The following TANC2 variants were observed in gnomAD, a reference collection of about 807,000 sequenced individuals.
TANC2 encodes protein TANC2.
Under a neutral mutation model 210.5 loss-of-function variants are expected in TANC2, and 26 were observed. The observed-to-expected ratio is 0.12, with a 90% CI of 0.09 to 0.17. The LOEUF is 0.17. TANC2 is among the 10% of genes least tolerant of loss of function. The pLI, the probability that TANC2 is intolerant of heterozygous loss-of-function variation, is 1.00. For synonymous variants in TANC2, 931 were observed against 967.1 expected, an observed-to-expected ratio of 0.96 and a Z score of 0.69; for missense variants, 2,129 against 2,608.9, an observed-to-expected ratio of 0.82 and a Z score of 4.01.
chr17:62,984,375 A>G (rs537501648), intron 1 of TANC2, among the ~76,000 whole-genome samples: 7 of 151,966 alleles, frequency 4.6e-5, no homozygotes, highest in African/African-American at 1.7e-4. Context: ...AGTGTAGCTA[A>G]TGGTTTCTCA....
chr17:63,250,285 T>C (rs116943649), intron 8 of TANC2, among the ~76,000 whole-genome samples: 122 of 150,394 alleles, frequency 8.1e-4, no homozygotes, highest in Middle Eastern at 3.4e-3. Context: ...TATTATAGTA[T>C]TTATTTATTT....
chr17:63,420,053 C>T lies in TANC2; in HGVS notation c.4323C>T (p.Asn1441=). Reference sequence around the variant, plus strand: ...ACGAGGCCATCAAGCTGTGTCCCAACAACCGTGAGATCCAGAGACTTCTGC... The same window carrying T: ...ACGAGGCCATCAAGCTGTGTCCCAATAACCGTGAGATCCAGAGACTTCTGC... Residue 1441 remains asparagine (N), a synonymous_variant, in exon 28 of 28, where the codon AAC becomes AAT. Transcript: ENST00000689528. This position sits in a 1 kb window ranked among gnomAD's most constrained non-coding sequence, Gnocchi z 4.2. The T allele has an allele frequency of 4.5e-6, 7 of 1,552,188 alleles. No homozygotes were observed. The highest frequency in any genetic ancestry group is 6.1e-6 in the Non-Finnish European group (7 of 1,147,092).
At chr17:63,350,493 C>T (rs2046566295) in intron 12 of TANC2, among the ~76,000 whole-genome samples, 2 of 152,198 alleles carry the variant, frequency 1.3e-5, no homozygotes, top group South Asian at 2.1e-4. Flanking sequence ...GCTTCGTCAG[C>T]ATAGCCCTAA....
intron 7 of TANC2, among the ~76,000 whole-genome samples, chr17:63,204,635 A>G (rs573681450): frequency 2.0e-5 from 3 of 152,190 alleles, no homozygotes; most frequent in East Asian, 3.9e-4. Context: ...CATCCTAAAG[A>G]AGAAAGAAAG....
intron 7 of TANC2, among the ~76,000 whole-genome samples, chr17:63,228,680 C>A (rs1247704132): frequency 6.6e-6 from 1 of 152,078 alleles, no homozygotes; most frequent in Admixed American, 6.6e-5. Flanking sequence ...GTATTTTATT[C>A]TCTTTGTAGC....
At chr17:63,031,571 A>G (rs928381261) in intron 2 of TANC2, among the ~76,000 whole-genome samples, 3 of 152,184 alleles carry the variant, frequency 2.0e-5, no homozygotes, top group Non-Finnish European at 2.9e-5. Context: ...TGGTCAGACC[A>G]TTCAGTTTTC....
At chr17:63,104,491 G>A (rs1312269122) in intron 4 of TANC2, among the ~76,000 whole-genome samples, 1 of 152,100 alleles carries the variant, frequency 6.6e-6, no homozygotes, top group Non-Finnish European at 1.5e-5. Context: ...AAATTATAAG[G>A]CACATAATCC....
At chr17:63,037,858 T>C (rs773618730) in intron 2 of TANC2, among the ~76,000 whole-genome samples, 103 of 152,278 alleles carry the variant, frequency 6.8e-4, no homozygotes, top group Middle Eastern at 3.4e-3. Flanking sequence ...TTTTACTTTG[T>C]ATCCTATGAC....
chr17:63,115,472 A>C (rs142319937), intron 4 of TANC2, among the ~76,000 whole-genome samples: 1 of 152,208 alleles, frequency 6.6e-6, no homozygotes, highest in African/African-American at 2.4e-5. Context: ...TTACTTGTAC[A>C]TTATTATATT....
At chr17:63,134,910 C>T (rs2039038144) in intron 4 of TANC2, among the ~76,000 whole-genome samples, 1 of 152,104 alleles carries the variant, frequency 6.6e-6, no homozygotes, top group African/African-American at 2.4e-5. Flanking sequence ...ATTTAGGGGG[C>T]ATACTAACAA....
chr17:63,350,355 T>C (rs1384142838), intron 12 of TANC2, among the ~76,000 whole-genome samples: 2 of 152,220 alleles, frequency 1.3e-5, no homozygotes, highest in Non-Finnish European at 1.5e-5. Flanking sequence ...CAAATAACTT[T>C]TATTTGTTAT....
chr17:63,293,605 T>C (rs768456858), intron 9 of TANC2, among the ~76,000 whole-genome samples: 2 of 152,074 alleles, frequency 1.3e-5, no homozygotes, highest in Non-Finnish European at 1.5e-5. Flanking sequence ...GAGCCCCCAC[T>C]TCCCCTTCCC....
chr17:63,273,733 T>C (rs1418961572), intron 9 of TANC2, among the ~76,000 whole-genome samples: 1 of 152,212 alleles, frequency 6.6e-6, no homozygotes, highest in Non-Finnish European at 1.5e-5. Context: ...TGCCTCTCAC[T>C]GAGACTATTG....
chr17:63,065,342 A>G (rs574044974), intron 2 of TANC2, among the ~76,000 whole-genome samples: 4 of 152,324 alleles, frequency 2.6e-5, no homozygotes, highest in South Asian at 2.1e-4. Flanking sequence ...TCTCTTGGCT[A>G]TTGTGAACAG....
intron 11 of TANC2, among the ~76,000 whole-genome samples, chr17:63,335,374 A>G (rs2045990267): frequency 6.6e-6 from 1 of 152,138 alleles, no homozygotes; most frequent in Non-Finnish European, 1.5e-5. Context: ...ACACTTTGGG[A>G]GGCCGAGGTG....
chr17:63,102,234 C>A (rs908186878), intron 4 of TANC2, among the ~76,000 whole-genome samples: 1 of 151,794 alleles, frequency 6.6e-6, no homozygotes, highest in Non-Finnish European at 1.5e-5. Flanking sequence ...TTGCTTGAGC[C>A]CAGGAGGTGG....
intron 7 of TANC2, among the ~76,000 whole-genome samples, chr17:63,215,937 G>A (rs1391188631): frequency 6.6e-6 from 1 of 152,052 alleles, no homozygotes; most frequent in Non-Finnish European, 1.5e-5. Flanking sequence ...TTTGTTAGTA[G>A]AGATGGGGTT....
intron 1 of TANC2, among the ~76,000 whole-genome samples, chr17:63,009,239 T>C (rs1407433545): frequency 3.3e-5 from 5 of 152,036 alleles, no homozygotes; most frequent in Non-Finnish European, 7.4e-5. Flanking sequence ...GTATTTTGAA[T>C]AGACAAGTTT....
intron 17 of TANC2, chr17:63,390,003 C>T (rs1470171036): frequency 5.2e-6 from 1 of 190,748 alleles, no homozygotes; most frequent in East Asian, 1.2e-4. Context: ...CCTTGAAGAC[C>T]ACCACTCTAG....
Sources: allele counts gnomAD v4.1 joint callset (sites outside exome capture counted in the v4.1 genomes callset), GRCh38; gene constraint gnomAD v4.1.1; non-coding constraint Gnocchi (gnomAD v3.1); transcripts MANE v1.5; gene names NCBI Gene and HGNC (gene_info 2026-07-23, HGNC 2026-07-21).